The following SYNE1 variants were observed in gnomAD, a reference collection of about 807,000 sequenced individuals.
SYNE1 encodes the protein spectrin repeat containing nuclear envelope protein 1.
SYNE1 carries 616 observed loss-of-function variants against 1,111.0 expected under a neutral mutation model. The observed-to-expected ratio is 0.55, with a 90% confidence interval of 0.52 to 0.59. The LOEUF is 0.59. SYNE1 is among the 20% of genes least tolerant of loss of function. The pLI, the probability that SYNE1 is intolerant of heterozygous loss-of-function variation, is 0.00. For missense variants in SYNE1, 10,006 were observed against 10,417.0 expected, an observed-to-expected ratio of 0.96 and a Z score of 1.72; for synonymous variants, 3,855 against 3,825.8, an observed-to-expected ratio of 1.01 and a Z score of -0.28.
At chr6:152,132,057 C>T in intron 144 of SYNE1, 65 bp downstream of exon 144, 1 of 1,457,626 alleles carries the variant, frequency 6.9e-7, no homozygotes, top group Non-Finnish European at 9.6e-7. Flanking sequence ...GTGGTGGGTG[C>T]AAATACTGTC....
Position 152,178,756 on chromosome 6 carries a change from G to A in SYNE1, c.23460+1380C>T, listed in dbSNP as rs73617328. On this transcript the variant is annotated intron_variant, in intron 129 of 145. Coordinates refer to ENST00000367255, the MANE Select transcript of SYNE1 (RefSeq NM_182961.4). ...ATGCTCCTGGAAAGCTGACAGATCA[G>A]TGGGGTCTCCATTTGGACAATGAAT... 5.9e-3 allele frequency among the ~76,000 whole-genome samples: 900 copies of A among 152,280 alleles called. 10 individuals are homozygous for A. Among genetic ancestry groups the A allele is most frequent in the African/African-American group, 0.02 (842 of 41,552 alleles).
Position 152,544,330 on chromosome 6 carries a change from A to T in SYNE1, c.68-4309T>A, listed in dbSNP as rs1043388778. ...CTTCTCTCTTATAACCTAAATCGTA[A>T]ATGGTTCCTAAAGGCCAGACCGTGT... On this transcript the variant is annotated intron_variant, in intron 3 of 145. Transcript: ENST00000367255. Among the ~76,000 whole-genome samples the T allele has an allele frequency of 9.6e-4, 146 of 152,214 alleles. 1 individual carries two copies. Among genetic ancestry groups the T allele is most frequent in the African/African-American group, 3.3e-3 (139 of 41,544 alleles).
chr6:152,519,493 G>T (rs1321922324), intron 6 of SYNE1, among the ~76,000 whole-genome samples: 1 of 152,134 alleles, frequency 6.6e-6, no homozygotes, highest in East Asian at 1.9e-4. Context: ...TGAGTATAAT[G>T]ATGAATTTTA....
chr6:152,433,394 T>C (rs1486910865), intron 34 of SYNE1: 2 of 225,030 alleles, frequency 8.9e-6, no homozygotes, highest in Non-Finnish European at 1.8e-5. Flanking sequence ...TTGGTGTGGG[T>C]AAGTACCACT....
Position 152,256,618 on chromosome 6 carries a change from G to A in SYNE1, c.19104+16C>T. The stretch of plus-strand genomic sequence containing the variant: ...TCTTATAAACCAAGCCAAACACACT[G>A]ATAACACAGCCTTACCTGGGATGAA... On this transcript the variant is annotated intron_variant, in intron 102 of 145. Coordinates refer to ENST00000367255, the MANE Select transcript of SYNE1 (RefSeq NM_182961.4). The A allele has an allele frequency of 6.2e-7, 1 of 1,612,790 alleles. No homozygotes were observed. Among genetic ancestry groups the A allele is most frequent in the Non-Finnish European group, 8.5e-7 (1 of 1,179,242 alleles).
At position 152,416,556 on chromosome 6, in the gene SYNE1, T is replaced by G; in HGVS notation, c.5881A>C (p.Arg1961=). ...TTGGTTCCCAGAAGGTTCTGGATCC[T>G]CTCTACCTCTCCACAGAGCTGATCA... ...TADQLCGEVE[R]IQNLLGTKQS... is the part of the protein sequence containing the mutation. Residue 1961 remains arginine (R), a synonymous_variant, in exon 41 of 146, where the codon AGG becomes CGG. Coordinates refer to ENST00000367255, the MANE Select transcript of SYNE1 (RefSeq NM_182961.4). 6.2e-7 allele frequency: 1 copy of G among 1,614,120 alleles called. No individual in the cohort carries two copies. Among genetic ancestry groups the G allele is most frequent in the Non-Finnish European group, 8.5e-7 (1 of 1,180,026 alleles).
chr6:152,584,765 C>A (rs950000848), intron 3 of SYNE1, among the ~76,000 whole-genome samples: 1 of 152,182 alleles, frequency 6.6e-6, no homozygotes, highest in Non-Finnish European at 1.5e-5. Context: ...TAACCCTACA[C>A]TCTTGTGAAG....
rs1406493453 is a variant in SYNE1 at position 152,330,413 on chromosome 6, A to G, written c.14272T>C (p.Leu4758=). Residue 4758 remains leucine (L), a synonymous_variant, in exon 78 of 146, where the codon TTA becomes CTA. Transcript: ENST00000367255. ...GTTTGTCGCTTCAGCCTGTGATATA[A>G]GGTGACAAGGTGCAGCATCTTGTCT... is the stretch of plus-strand genomic sequence containing the variant. ...QPDKMLHLVT[L]YHRLKRQTEQ... The G allele has an allele frequency of 6.2e-7, 1 of 1,613,984 alleles. No homozygotes were observed. Among genetic ancestry groups the G allele is most frequent in the Non-Finnish European group, 8.5e-7 (1 of 1,180,024 alleles).
chr6:152,584,625 A>G (rs1037858337), intron 3 of SYNE1, among the ~76,000 whole-genome samples: 4 of 151,830 alleles, frequency 2.6e-5, no homozygotes, highest in Non-Finnish European at 2.9e-5. Context: ...GCTGCTCTAC[A>G]CTTCTGGGCT....
intron 3 of SYNE1, among the ~76,000 whole-genome samples, chr6:152,576,536 A>T (rs138979883): frequency 2.4e-3 from 370 of 152,294 alleles, no homozygotes; most frequent in African/African-American, 8.5e-3. Context: ...AGAGGTAAGT[A>T]ACTAAATAAT....
chr6:152,266,009 G>A (rs1207678218), intron 100 of SYNE1, among the ~76,000 whole-genome samples: 1 of 151,964 alleles, frequency 6.6e-6, no homozygotes, highest in Non-Finnish European at 1.5e-5. Context: ...ATTAATTCAT[G>A]GTTAATTGTT....
intron 55 of SYNE1, 65 bp downstream of exon 55, chr6:152,385,609 T>C (rs536514683): frequency 4.3e-4 from 683 of 1,573,526 alleles, no homozygotes; most frequent in Non-Finnish European, 5.6e-4. Flanking sequence ...ATCTACAAAA[T>C]CTTTATCAAA....
intron 3 of SYNE1, among the ~76,000 whole-genome samples, chr6:152,606,790 G>A (rs1486806243): frequency 2.6e-5 from 4 of 151,386 alleles, no homozygotes; most frequent in Admixed American, 2.6e-4. Flanking sequence ...TGGGACTACA[G>A]GCGCCCGCCA....
chr6:152,569,335 G>C lies in SYNE1; in HGVS notation c.68-29314C>G, dbSNP rs7449692. Among the ~76,000 whole-genome samples, 811 of 152,308 alleles carry C rather than the reference G, an allele frequency of 5.3e-3. 13 individuals carry two copies. Among genetic ancestry groups the C allele is most frequent in the East Asian group, 0.027 (140 of 5,184 alleles). On this transcript the variant is annotated intron_variant, in intron 3 of 145. Transcript: ENST00000367255. Reference sequence around the variant, plus strand: ...AGTTTAATCATCACCTTATGGGCAAGTTATCTAGATTCTCCTTTCAGTTTC... The same window carrying C: ...AGTTTAATCATCACCTTATGGGCAACTTATCTAGATTCTCCTTTCAGTTTC...
chr6:152,148,667 A>G lies in SYNE1; in HGVS notation c.24643-289T>C, dbSNP rs1586203296. Among the ~76,000 whole-genome samples the G allele has an allele frequency of 1.8e-5, 2 of 112,776 alleles. No individual in the cohort carries two copies. The highest frequency in any genetic ancestry group is 3.7e-4 in the South Asian group (1 of 2,722). 74.0% of individuals were successfully genotyped at this position (112,776 alleles called of 152,430 possible). The stretch of plus-strand genomic sequence containing the variant: ...GGAATAACAGTCCCAGGCATCCCAC[A>G]GGGTTTTTTTTTTTTGAGTGGGAAA... On this transcript the variant is annotated intron_variant, in intron 136 of 145. Transcript: ENST00000367255. The surrounding 1 kb of genome is among the most constrained non-coding windows in gnomAD (Gnocchi z 4.1).
At position 152,403,360 on chromosome 6, in the gene SYNE1, T is replaced by A. The variant is rs536800257; in HGVS notation, c.6825+853A>T. ...CGTGAAGGGAGGTTTATAGTGGTGA[T>A]CCCTCTAAACCCAGTTATTCAGTAA... On this transcript the variant is annotated intron_variant, in intron 46 of 145. Transcript: ENST00000367255. 7.2e-4 allele frequency among the ~76,000 whole-genome samples: 110 copies of A among 152,254 alleles called. 1 individual carries two copies. Among genetic ancestry groups the A allele is most frequent in the African/African-American group, 2.4e-3 (100 of 41,556 alleles).
intron 5 of SYNE1, among the ~76,000 whole-genome samples, chr6:152,523,997 A>G (rs1482767398): frequency 6.6e-6 from 1 of 152,108 alleles, no homozygotes. Context: ...TCAGCAAACA[A>G]TGATAGTTTG....
intron 16 of SYNE1, among the ~76,000 whole-genome samples, chr6:152,471,122 C>T (rs1480308009): frequency 1.3e-5 from 2 of 151,718 alleles, no homozygotes; most frequent in Non-Finnish European, 2.9e-5. Flanking sequence ...CAATGAAGCC[C>T]AGGGAATTAC....
At chr6:152,546,220 C>A (rs114413636) in intron 3 of SYNE1, among the ~76,000 whole-genome samples, 1 of 152,064 alleles carries the variant, frequency 6.6e-6, no homozygotes, top group African/African-American at 2.4e-5. Flanking sequence ...AGAAAATGGA[C>A]AATTTACAGG....
Sources: allele counts gnomAD v4.1 joint callset (sites outside exome capture counted in the v4.1 genomes callset), GRCh38; gene constraint gnomAD v4.1.1; non-coding constraint Gnocchi (gnomAD v3.1); transcripts MANE v1.5; gene names NCBI Gene and HGNC (gene_info 2026-07-23, HGNC 2026-07-21).